GLIS1: variants seen among roughly 807,000 people sequenced by gnomAD.
GLIS1 encodes the protein GLIS family zinc finger 1, also known as zinc finger protein GLIS1.
GLIS1 carries 24 observed loss-of-function variants against 63.8 expected under a neutral mutation model. That is an observed-to-expected ratio of 0.38 (90% CI 0.27 to 0.53). The LOEUF is 0.53. Among genes scored for constraint, GLIS1 ranks in the 20% least tolerant of loss-of-function variants. The pLI is 0.85. For missense variants in GLIS1, 1,036 were observed against 1,074.1 expected (o/e 0.96, Z 0.50); for synonymous variants, 450 against 482.5 (o/e 0.93, Z 0.88).
At chr1:53,735,830 T>TG (rs1423373779) in intron 2 of GLIS1, among the ~76,000 whole-genome samples, 2 of 152,076 alleles carry the variant, frequency 1.3e-5, no homozygotes, top group African/African-American at 4.8e-5. Flanking sequence ...GCTGAAGAAC[T>TG]GGGGGAAAGC....
chr1:53,686,361 A>G (rs1570046977), intron 2 of GLIS1, among the ~76,000 whole-genome samples: 1 of 151,950 alleles, frequency 6.6e-6, no homozygotes, highest in Non-Finnish European at 1.5e-5. Context: ...TCCACTTTCC[A>G]CCAGCCCCCT....
intron 2 of GLIS1, among the ~76,000 whole-genome samples, chr1:53,698,341 G>A (rs1026704670): frequency 6.6e-6 from 1 of 152,130 alleles, no homozygotes; most frequent in Admixed American, 6.5e-5. Flanking sequence ...TGATGTCAAG[G>A]AACAGGAACA....
At chr1:53,522,179 G>A (rs1276155275) in intron 6 of GLIS1, among the ~76,000 whole-genome samples, 1 of 152,276 alleles carries the variant, frequency 6.6e-6, no homozygotes, top group African/African-American at 2.4e-5. Flanking sequence ...AGCAGGAGAG[G>A]AGAATTAAGG....
At chr1:53,731,187 C>T (rs776427339) in intron 2 of GLIS1, among the ~76,000 whole-genome samples, 4 of 152,176 alleles carry the variant, frequency 2.6e-5, no homozygotes, top group Admixed American at 6.5e-5. Context: ...TTCTGAGAAG[C>T]GGTCCCTCCT....
In GLIS1 at chr1:53,509,291, C is replaced by T; in HGVS notation, c.2063-4G>A. 3 of 1,565,762 alleles carry T rather than the reference C, an allele frequency of 1.9e-6. No individual in the cohort carries two copies. The highest frequency in any genetic ancestry group is 2.6e-6 in the Non-Finnish European group (3 of 1,150,620). The stretch of plus-strand genomic sequence containing the variant: ...GAGTGGAAACTGCCCTGGTAACCTG[C>T]AGACGGGGGTAGCAGGGGCCGCGTT... On this transcript the variant is annotated splice_region_variant and splice_polypyrimidine_tract_variant and intron_variant, in intron 9 of 10. Transcript: ENST00000628545.
At chr1:53,631,840 G>C (rs1645655066) in intron 2 of GLIS1, among the ~76,000 whole-genome samples, 1 of 152,094 alleles carries the variant, frequency 6.6e-6, no homozygotes, top group African/African-American at 2.4e-5. Flanking sequence ...CCAGTGCCAA[G>C]GCCCTGAGGG....
intron 2 of GLIS1, among the ~76,000 whole-genome samples, chr1:53,660,540 C>A (rs1046121872): frequency 2.6e-5 from 4 of 152,154 alleles, no homozygotes; most frequent in African/African-American, 9.7e-5. Flanking sequence ...TTGTAGGGAC[C>A]CTAAGCTGAA....
intron 4 of GLIS1, among the ~76,000 whole-genome samples, chr1:53,590,077 C>G (rs1428610897): frequency 6.6e-6 from 1 of 152,206 alleles, no homozygotes; most frequent in Non-Finnish European, 1.5e-5. Context: ...GTAAATAACC[C>G]TGCCCTAAGC....
In GLIS1 at chr1:53,711,529, G is replaced by C. The variant is rs183399563; in HGVS notation, c.259+26277C>G. Among the ~76,000 whole-genome samples, 588 of 152,350 alleles carry C rather than the reference G, an allele frequency of 3.9e-3. 2 individuals carry two copies. Among genetic ancestry groups the C allele is most frequent in the Non-Finnish European group, 6.0e-3 (405 of 68,028 alleles). The stretch of plus-strand genomic sequence containing the variant: ...TGTCTGCTTCTCCTCCAGGTGGGGA[G>C]AGCACAGCAGGGAGCTCGGGCCCCG... On this transcript the variant is annotated intron_variant, in intron 2 of 10. Transcript: ENST00000628545.
chr1:53,507,146 G>A (rs1165075802), intron 10 of GLIS1, among the ~76,000 whole-genome samples: 1 of 152,128 alleles, frequency 6.6e-6, no homozygotes, highest in Non-Finnish European at 1.5e-5. Flanking sequence ...CCTGGTAGAA[G>A]GACCAGCTCA....
chr1:53,660,271 C>T (rs1289089103), intron 2 of GLIS1, among the ~76,000 whole-genome samples: 2 of 152,200 alleles, frequency 1.3e-5, no homozygotes, highest in East Asian at 1.9e-4. Context: ...TCCACCCATG[C>T]CTCCCTTGCC....
intron 2 of GLIS1, among the ~76,000 whole-genome samples, chr1:53,701,583 G>A (rs1646523104): frequency 1.3e-5 from 2 of 152,332 alleles, no homozygotes; most frequent in South Asian, 4.1e-4. Context: ...GTTGGTAAGT[G>A]GTAGAGTCAG....
Position 53,600,292 on chromosome 1 carries a change from G to A in GLIS1, c.260-14C>T. The A allele has an allele frequency of 8.1e-7, 1 of 1,231,088 alleles. No individual in the cohort carries two copies. Among genetic ancestry groups the A allele is most frequent in the Non-Finnish European group, 1.0e-6 (1 of 986,976 alleles). The allele number at this position is 1,231,088 out of a possible 1,614,324, so 76.3% of individuals were successfully genotyped here. A position where few individuals can be genotyped will look rare whatever the true frequency, so the allele number is the denominator to read the frequency against. On this transcript the variant is annotated splice_polypyrimidine_tract_variant and intron_variant, in intron 2 of 10. Coordinates refer to ENST00000628545, the MANE Select transcript of GLIS1 (RefSeq NM_001367484.1). ...AGCTCCCATTCACTAGGCAGAGAAA[G>A]ACAGGGAGAGAGGGACACAGTGAGT...
intron 2 of GLIS1, among the ~76,000 whole-genome samples, chr1:53,603,691 G>A (rs1306217528): frequency 2.0e-5 from 3 of 152,194 alleles, no homozygotes; most frequent in Non-Finnish European, 4.4e-5. Context: ...GGGAGCAGGG[G>A]TGCCCTAGAA....
chr1:53,694,611 G>A (rs968042425), intron 2 of GLIS1, among the ~76,000 whole-genome samples: 1 of 152,194 alleles, frequency 6.6e-6, no homozygotes, highest in Non-Finnish European at 1.5e-5. Flanking sequence ...CACCGCTGGG[G>A]TCCCAGCTCC....
At chr1:53,549,617 T>C (rs1644738676) in intron 4 of GLIS1, among the ~76,000 whole-genome samples, 1 of 152,256 alleles carries the variant, frequency 6.6e-6, no homozygotes, top group East Asian at 1.9e-4. Flanking sequence ...TTAAGTTATG[T>C]TATCTTTTTC....
chr1:53,512,940 A>G (rs1336011004), intron 8 of GLIS1, among the ~76,000 whole-genome samples: 1 of 152,178 alleles, frequency 6.6e-6, no homozygotes, highest in Non-Finnish European at 1.5e-5. Context: ...CAGGTGAGGC[A>G]CACAGTGTCA....
At chr1:53,650,316 G>A (rs563705502) in intron 2 of GLIS1, among the ~76,000 whole-genome samples, 14 of 152,306 alleles carry the variant, frequency 9.2e-5, no homozygotes, top group African/African-American at 2.9e-4. Context: ...TTGGCCGGGC[G>A]AGGTGGCTCA....
intron 2 of GLIS1, among the ~76,000 whole-genome samples, chr1:53,643,384 C>T (rs1381968151): frequency 2.6e-5 from 4 of 152,192 alleles, no homozygotes; most frequent in Admixed American, 6.5e-5. Flanking sequence ...GGTAACCCTG[C>T]GGGTGGAGTC....
Sources: gnomAD v4.1 joint callset for allele counts (sites outside exome capture counted in the v4.1 genomes callset) on GRCh38, gnomAD v4.1.1 for gene constraint, MANE v1.5 for transcripts, NCBI Gene and HGNC (gene_info 2026-07-23, HGNC 2026-07-21) for gene names.